Variants in DLG2 observed in about 807,000 individuals in gnomAD.
DLG2 encodes the protein discs large MAGUK scaffold protein 2.
DLG2 carries 45 observed loss-of-function variants against 132.5 expected under a neutral mutation model. That is an observed-to-expected ratio of 0.34 (90% CI 0.27 to 0.44). The LOEUF is 0.44. Among genes scored for constraint, DLG2 ranks in the 20% least tolerant of loss-of-function variants. The pLI is 1.00. For missense variants in DLG2, 1,045 were observed against 1,196.9 expected (o/e 0.87, Z 1.87); for synonymous variants, 424 against 419.6 (o/e 1.01, Z -0.13).
chr11:85,098,972 G>C (rs2070392936), intron 6 of DLG2, among the ~76,000 whole-genome samples: 1 of 152,182 alleles, frequency 6.6e-6, no homozygotes, highest in South Asian at 2.1e-4. Flanking sequence ...TGAAGCAAGG[G>C]AGTCAGTACA....
chr11:83,796,313 A>G (rs544875387), intron 17 of DLG2, among the ~76,000 whole-genome samples: 208 of 152,320 alleles, frequency 1.4e-3, no homozygotes, highest in African/African-American at 4.1e-3. Flanking sequence ...ACAAATGAAA[A>G]AAACCAAAAC....
chr11:84,533,670 T>C (rs929637905), intron 7 of DLG2, among the ~76,000 whole-genome samples: 3 of 152,090 alleles, frequency 2.0e-5, no homozygotes, highest in Non-Finnish European at 4.4e-5. Flanking sequence ...CACTTTTATG[T>C]CTTTATTTTT....
chr11:84,475,910 G>C (rs1031465313), intron 7 of DLG2, among the ~76,000 whole-genome samples: 10 of 151,906 alleles, frequency 6.6e-5, no homozygotes, highest in Admixed American at 5.2e-4. Flanking sequence ...TTTCCATTTT[G>C]CAAAAATGTG....
chr11:84,216,177 G>A (rs1597620937), intron 8 of DLG2, among the ~76,000 whole-genome samples: 1 of 151,996 alleles, frequency 6.6e-6, no homozygotes, highest in Middle Eastern at 3.4e-3. Flanking sequence ...TGCTTTCTTT[G>A]TGGGCCCCTA....
intron 16 of DLG2, among the ~76,000 whole-genome samples, chr11:83,867,124 T>C (rs1373913730): frequency 6.6e-6 from 1 of 152,180 alleles, no homozygotes; most frequent in East Asian, 1.9e-4. Context: ...CTCTACTTTG[T>C]ATTTTAATGT....
intron 11 of DLG2, among the ~76,000 whole-genome samples, chr11:84,049,792 A>G (rs558142915): frequency 6.6e-6 from 1 of 151,956 alleles, no homozygotes; most frequent in Admixed American, 6.6e-5. Context: ...AAAGGAAGAA[A>G]TAAAGCACAT....
intron 17 of DLG2, chr11:83,790,743 A>G: frequency 1.3e-6 from 1 of 767,210 alleles, no homozygotes; most frequent in East Asian, 2.4e-5. Flanking sequence ...ATCCACAAAG[A>G]TCTCTGGGGC....
intron 18 of DLG2, among the ~76,000 whole-genome samples, chr11:83,687,164 AT>A (rs2079946686): frequency 6.6e-6 from 1 of 152,162 alleles, no homozygotes; most frequent in Admixed American, 6.5e-5. Flanking sequence ...TAACACCTTC[AT>A]TTCAGACTTC....
intron 4 of DLG2, among the ~76,000 whole-genome samples, chr11:85,255,921 T>A (rs1172457106): frequency 6.6e-6 from 1 of 152,184 alleles, no homozygotes; most frequent in Non-Finnish European, 1.5e-5. Context: ...GTAATCGCTG[T>A]TAATAATAAT....
At chr11:83,901,354 G>T (rs189898516) in intron 15 of DLG2, among the ~76,000 whole-genome samples, 185 of 152,230 alleles carry the variant, frequency 1.2e-3, no homozygotes, top group African/African-American at 4.2e-3. Context: ...GAATGATATG[G>T]TTTGACTCCG....
intron 6 of DLG2, among the ~76,000 whole-genome samples, chr11:84,591,585 C>T (rs146259377): frequency 5.3e-5 from 8 of 151,728 alleles, no homozygotes; most frequent in South Asian, 2.1e-4. Context: ...CACTTGAACC[C>T]GGGAGGTGGA....
At chr11:84,253,032 G>T (rs1366444183) in intron 7 of DLG2, among the ~76,000 whole-genome samples, 2 of 152,100 alleles carry the variant, frequency 1.3e-5, no homozygotes, top group East Asian at 3.8e-4. Flanking sequence ...AAAACACTGG[G>T]CATGGAAAAC....
intron 6 of DLG2, among the ~76,000 whole-genome samples, chr11:84,600,228 A>AAGAAAG: frequency 2.7e-5 from 3 of 110,952 alleles, no homozygotes; most frequent in Non-Finnish European, 5.4e-5. Flanking sequence ...AAGAAAGAGA[A>AAGAAAG]AGAAAGACAG....
intron 4 of DLG2, among the ~76,000 whole-genome samples, chr11:85,192,672 A>T (rs970560375): frequency 1.3e-5 from 2 of 152,194 alleles, no homozygotes; most frequent in Admixed American, 1.3e-4. Flanking sequence ...ATTTCCTTAG[A>T]TTATAATAAA....
At chr11:84,182,197 G>C (rs1271017945) in intron 8 of DLG2, among the ~76,000 whole-genome samples, 8 of 152,110 alleles carry the variant, frequency 5.3e-5, no homozygotes, top group Admixed American at 5.2e-4. Context: ...AATATAATTA[G>C]ACTAGAAATC....
chr11:84,306,242 T>C (rs894625304), intron 7 of DLG2, among the ~76,000 whole-genome samples: 8 of 152,132 alleles, frequency 5.3e-5, no homozygotes. Context: ...AAACATCACA[T>C]AGGGCCCCAT....
intron 11 of DLG2, among the ~76,000 whole-genome samples, chr11:84,029,525 T>C (rs370383918): frequency 6.6e-6 from 1 of 152,102 alleles, no homozygotes; most frequent in Non-Finnish European, 1.5e-5. Context: ...AGATAAATCA[T>C]AGAGTATTAG....
In DLG2 at chr11:85,600,299, C is replaced by A. The variant is rs193104553; in HGVS notation, c.-92-1511G>T. Among the ~76,000 whole-genome samples the A allele has an allele frequency of 5.3e-5, 8 of 152,328 alleles. No homozygotes were observed. In the East Asian group the frequency reaches 7.7e-4, roughly 15 times the overall value. On this transcript the variant is annotated intron_variant, in intron 2 of 27. Coordinates refer to ENST00000376104, the MANE Select transcript of DLG2 (RefSeq NM_001142699.3). ...TGCTTTCTTTTCCACTCAATCATCC[C>A]ATCATTACTAAATCCAGCAGTCAAT...
At chr11:84,880,025 A>C (rs2154053360) in intron 6 of DLG2, among the ~76,000 whole-genome samples, 1 of 152,296 alleles carries the variant, frequency 6.6e-6, no homozygotes, top group Non-Finnish European at 1.5e-5. Context: ...GAATAGTACT[A>C]TAAAGTGATT....
Sources: gnomAD v4.1 joint callset for allele counts (sites outside exome capture counted in the v4.1 genomes callset) on GRCh38, gnomAD v4.1.1 for gene constraint, MANE v1.5 for transcripts, NCBI Gene and HGNC (gene_info 2026-07-23, HGNC 2026-07-21) for gene names.